USP48: variants seen among roughly 807,000 people sequenced by gnomAD.
The protein encoded by USP48 is ubiquitin specific peptidase 48.
Under a neutral mutation model 150.7 loss-of-function variants are expected in USP48, and 43 were observed. The observed-to-expected ratio is 0.29, with a 90% confidence interval of 0.22 to 0.37. USP48 has a LOEUF of 0.37. Among genes scored for constraint, USP48 ranks in the 10% least tolerant of loss-of-function variants. The pLI is 1.00. For synonymous variants in USP48, 396 were observed against 425.9 expected (o/e 0.93, Z 0.86); for missense variants, 813 against 1,249.6 (o/e 0.65, Z 5.27).
chr1:21,770,985 G>A (rs1003786915), intron 1 of USP48, among the ~76,000 whole-genome samples: 1 of 151,662 alleles, frequency 6.6e-6, no homozygotes, highest in African/African-American at 2.4e-5. Context: ...AATTAGCCAG[G>A]CATGGTGGTG....
intron 5 of USP48, among the ~76,000 whole-genome samples, chr1:21,751,854 C>T (rs2097815208): frequency 6.6e-6 from 1 of 151,902 alleles, no homozygotes; most frequent in African/African-American, 2.4e-5. Flanking sequence ...CCCATCTCTA[C>T]TAAAAATACA....
intron 1 of USP48, among the ~76,000 whole-genome samples, chr1:21,778,718 G>C (rs1189407910): frequency 2.0e-5 from 3 of 150,952 alleles, no homozygotes; most frequent in Non-Finnish European, 2.9e-5. Context: ...TTCAAGACCA[G>C]CTTGGGCACC....
chr1:21,757,132 G>C (rs897754877), intron 2 of USP48, among the ~76,000 whole-genome samples: 1 of 152,140 alleles, frequency 6.6e-6, no homozygotes, highest in Non-Finnish European at 1.5e-5. Flanking sequence ...CGGTGGTAGA[G>C]GGAACTGGCT....
At chr1:21,742,155 A>C (rs1442849815) in intron 8 of USP48, among the ~76,000 whole-genome samples, 1 of 152,068 alleles carries the variant, frequency 6.6e-6, no homozygotes, top group Non-Finnish European at 1.5e-5. Flanking sequence ...ATCACCCTCC[A>C]CTGTTCTTTC....
intron 11 of USP48, among the ~76,000 whole-genome samples, chr1:21,727,286 T>A (rs1161645760): frequency 6.6e-6 from 1 of 152,156 alleles, no homozygotes; most frequent in Non-Finnish European, 1.5e-5. Context: ...ACAATATAAG[T>A]TTACTGCAAA....
intron 1 of USP48, among the ~76,000 whole-genome samples, chr1:21,762,130 G>T (rs1394870835): frequency 1.3e-5 from 2 of 152,178 alleles, no homozygotes; most frequent in Non-Finnish European, 2.9e-5. Context: ...TGCCAAGCGT[G>T]GTGGCGTGTG....
intron 1 of USP48, among the ~76,000 whole-genome samples, chr1:21,762,865 C>CAAA (rs34834573): frequency 1.4e-3 from 105 of 76,198 alleles, no homozygotes; most frequent in Admixed American, 2.5e-3. Flanking sequence ...GACTTCATCT[C>CAAA]AAAAAAAAAA....
In USP48 at chr1:21,756,550, T is replaced by A; in HGVS notation, c.408A>T (p.Glu136Asp). 1 of 1,580,096 alleles carries A rather than the reference T, an allele frequency of 6.3e-7. No individual in the cohort carries two copies. The highest frequency in any genetic ancestry group is 8.5e-7 in the Non-Finnish European group (1 of 1,169,680). ...CCCCCACCCCTTTCCACCCACCTTTTTCTTCTTGGATGCCGTCTCCCAGCA... is the reference window on the plus strand; with the variant it reads ...CCCCCACCCCTTTCCACCCACCTTTATCTTCTTGGATGCCGTCTCCCAGCA... ...DYMLGDGIQE[E>D]KDYEPQTICE... Residue 136 changes from glutamate to aspartate, a missense_variant, in exon 3 of 27, where the codon GAA (glutamate) becomes GAT (aspartate). Transcript: ENST00000308271.
At chr1:21,782,197 G>GT (rs1241526870) in intron 1 of USP48, among the ~76,000 whole-genome samples, 1 of 152,172 alleles carries the variant, frequency 6.6e-6, no homozygotes, top group Non-Finnish European at 1.5e-5. Flanking sequence ...CTATATGAGG[G>GT]GGTTAAGGAA....
chr1:21,735,690 A>G (rs539014123), intron 9 of USP48, among the ~76,000 whole-genome samples: 34 of 152,318 alleles, frequency 2.2e-4, no homozygotes, highest in African/African-American at 7.9e-4. Context: ...GGAGTTCGAG[A>G]CCAGTCTGAC....
In USP48 at chr1:21,721,037, T is replaced by C; in HGVS notation, c.1893A>G (p.Lys631=). The C allele has an allele frequency of 6.2e-7, 1 of 1,614,198 alleles. No homozygotes were observed. The highest frequency in any genetic ancestry group is 8.5e-7 in the Non-Finnish European group (1 of 1,180,010). Residue 631 remains lysine (K), a splice_region_variant and synonymous_variant, in exon 14 of 27, where the codon AAA becomes AAG. Transcript: ENST00000308271. ...NGKMNGSTLN[K]DESKEERKEE... ...CTACACATAGGTTTAAAGTGTTACC[T>C]TTATTTAAGGTGCTACCGTTCATCT...
intron 3 of USP48, among the ~76,000 whole-genome samples, chr1:21,753,764 T>C (rs1014165740): frequency 6.9e-6 from 1 of 144,292 alleles, no homozygotes; most frequent in Non-Finnish European, 1.5e-5. Context: ...GAGGTGGAGG[T>C]TGTGGTGAGC....
chr1:21,753,120 C>T lies in USP48; in HGVS notation c.413-1G>A. 6.3e-7 allele frequency: 1 copy of T among 1,590,910 alleles called. No individual in the cohort carries two copies. The highest frequency in any genetic ancestry group is 8.5e-7 in the Non-Finnish European group (1 of 1,174,114). On this transcript the variant is annotated splice_acceptor_variant, in intron 3 of 26. Coordinates refer to ENST00000308271, the MANE Select transcript of USP48 (RefSeq NM_032236.8). LOFTEE classifies it high-confidence loss of function. ...TCACAAATTGTTTGAGGCTCATAAT[C>T]TATTAAAACAAAAATATAGATTTGG...
At position 21,689,956 on chromosome 1, in the gene USP48, A is replaced by G; in HGVS notation, c.3009+18T>C. The stretch of plus-strand genomic sequence containing the variant: ...ATGTAAAACCTTGAGTTCTTCAGCT[A>G]AGGAGCTGTTTACTTACCTTCAATA... On this transcript the variant is annotated intron_variant, in intron 24 of 26. Transcript: ENST00000308271. 6.2e-7 allele frequency: 1 copy of G among 1,612,874 alleles called. No individual in the cohort carries two copies. The highest frequency in any genetic ancestry group is 1.3e-5 in the African/African-American group (1 of 74,948).
intron 19 of USP48, 194 bp from the exon 20 acceptor site, chr1:21,704,586 G>A: frequency 1.9e-6 from 1 of 515,466 alleles, no homozygotes. Context: ...GAAACTAAAT[G>A]GACTGAAATT....
rs750959613 is a variant in USP48, at chr1:21,721,121, G to C, written c.1809C>G (p.Arg603=). 2 of 1,614,246 alleles carry C rather than the reference G, an allele frequency of 1.2e-6. No homozygotes were observed. Among genetic ancestry groups the C allele is most frequent in the East Asian group, 4.5e-5 (2 of 44,886 alleles). The change falls in exon 14 of 27, where the codon CGC becomes CGG. Residue 603 remains arginine, a synonymous_variant. Coordinates refer to ENST00000308271, the MANE Select transcript of USP48 (RefSeq NM_032236.8). ...CATCCAGCTGTTCAAGAGCTAGCTGGCGCCAACTCCGCAAGGAGGACTTCC... is the reference window on the plus strand; with the variant it reads ...CATCCAGCTGTTCAAGAGCTAGCTGCCGCCAACTCCGCAAGGAGGACTTCC... ...WVGKSSLRSW[R]QLALEQLDEQ... is the part of the protein sequence containing the mutation.
Position 21,747,151 on chromosome 1 carries a change from T to C in USP48, c.909-2A>G. 1 of 1,606,068 alleles carries C rather than the reference T, an allele frequency of 6.2e-7. No individual in the cohort carries two copies. Among genetic ancestry groups the C allele is most frequent in the South Asian group, 1.1e-5 (1 of 89,870 alleles). ...AGCTTTTTCTTATGTCCAGTTTGCC[T>C]AACCAAGAGGAAAGCTGATTATATT... On this transcript the variant is annotated splice_acceptor_variant, in intron 7 of 26. Transcript: ENST00000308271. LOFTEE classifies it high-confidence loss of function.
Position 21,703,624 on chromosome 1 carries a change from G to C in USP48, c.2516-6C>G. The C allele has an allele frequency of 6.3e-7, 1 of 1,581,344 alleles. No individual in the cohort carries two copies. Among genetic ancestry groups the C allele is most frequent in the Non-Finnish European group, 8.6e-7 (1 of 1,168,634 alleles). ...TCTGCATTCTGGACAGAGTTCTTTGGGGGAAAAAAAAAAAGGGAAAACAGA... is the reference window on the plus strand; with the variant it reads ...TCTGCATTCTGGACAGAGTTCTTTGCGGGAAAAAAAAAAAGGGAAAACAGA... On this transcript the variant is annotated splice_region_variant and splice_polypyrimidine_tract_variant and intron_variant, in intron 20 of 26. Coordinates refer to ENST00000308271, the MANE Select transcript of USP48 (RefSeq NM_032236.8).
Position 21,725,581 on chromosome 1 carries a change from G to A in USP48, c.1451-1486C>T, listed in dbSNP as rs545220824. Among the ~76,000 whole-genome samples the A allele has an allele frequency of 3.6e-4, 55 of 152,054 alleles. No individual in the cohort carries two copies. The South Asian group carries it at 0.011, about 30-fold the overall frequency. ...AGCCTGACCAACAGGGAGAAACCCC[G>A]TCTGTACTAAAAATACAAAAAATTA... On this transcript the variant is annotated intron_variant, in intron 11 of 26. Coordinates refer to ENST00000308271, the MANE Select transcript of USP48 (RefSeq NM_032236.8).
Sources: allele counts gnomAD v4.1 joint callset (sites outside exome capture counted in the v4.1 genomes callset), GRCh38; gene constraint gnomAD v4.1.1; transcripts MANE v1.5; gene names NCBI Gene and HGNC (gene_info 2026-07-23, HGNC 2026-07-21).